The following PEX2 variants were observed in gnomAD, a reference collection of about 807,000 sequenced individuals.
The protein encoded by PEX2 is peroxisomal biogenesis factor 2, also known as peroxisome biogenesis factor 2.
In PEX2, 19 loss-of-function variants were observed where a neutral mutation model predicts 25.2. That is an observed-to-expected ratio of 0.75 (90% CI 0.53 to 1.10). The LOEUF is 1.10. Among genes scored for constraint, PEX2 ranks in the 50% least tolerant of loss-of-function variants. PEX2 has a pLI of 0.00. For missense variants in PEX2, 347 were observed against 350.6 expected (o/e 0.99, Z 0.08); for synonymous variants, 141 against 127.7 (o/e 1.10, Z -0.70).
intron 1 of PEX2, among the ~76,000 whole-genome samples, chr8:76,993,953 T>C (rs1397455306): frequency 5.9e-5 from 9 of 152,076 alleles, no homozygotes; most frequent in African/African-American, 2.2e-4. Flanking sequence ...TAAGGATATG[T>C]GAAAAAGATG....
In PEX2 at chr8:76,982,222, TGAAG is replaced by T. The variant is rs1806850314; in HGVS notation, c.*1035_*1038del. 1.3e-5 allele frequency: 2 copies of T among 152,018 alleles called. No individual in the cohort carries two copies. The highest frequency in any genetic ancestry group is 2.1e-4 in the South Asian group (1 of 4,828). The allele number at this position is 152,018 out of a possible 1,614,324, so 9.4% of individuals were successfully genotyped here. On this transcript the variant is annotated 3_prime_UTR_variant, in exon 4 of 4. Coordinates refer to ENST00000357039, the MANE Select transcript of PEX2 (RefSeq NM_000318.3). Reference sequence around the variant, plus strand: ...AGTAAAAAAAGGCAGAGAAAAAGAGTGAAGGATACAGAATTATCTTGATTATGCA... The same window carrying T: ...AGTAAAAAAAGGCAGAGAAAAAGAGTGATACAGAATTATCTTGATTATGCA...
rs569635070 is a variant in PEX2, at chr8:76,985,684, G to A, written c.-18+503C>T. On this transcript the variant is annotated intron_variant, in intron 3 of 3. Coordinates refer to ENST00000357039, the MANE Select transcript of PEX2 (RefSeq NM_000318.3). ...ACACCGGGCTTGATTATCATGTCTA[G>A]GCCTTTAAAAAGCCAATACCCTAAC... Among the ~76,000 whole-genome samples the A allele has an allele frequency of 2.6e-5, 4 of 152,186 alleles. No homozygotes were observed. In the East Asian group the frequency reaches 7.7e-4, roughly 29 times the overall value.
intron 2 of PEX2, among the ~76,000 whole-genome samples, chr8:76,987,682 C>T (rs1018207395): frequency 6.6e-6 from 1 of 151,838 alleles, no homozygotes; most frequent in Non-Finnish European, 1.5e-5. Flanking sequence ...CTAATGATGG[C>T]CTAAATTAGA....
intron 1 of PEX2, among the ~76,000 whole-genome samples, chr8:76,998,813 A>G (rs1393500134): frequency 6.6e-6 from 1 of 152,126 alleles, no homozygotes; most frequent in Non-Finnish European, 1.5e-5. Flanking sequence ...TACTAACACT[A>G]GTTTCTAAAA....
Position 76,980,374 on chromosome 8 carries a change from A to G in PEX2, c.*2887T>C, listed in dbSNP as rs573037096. 1 of 152,340 alleles carries G rather than the reference A, an allele frequency of 6.6e-6. No individual in the cohort carries two copies. Among genetic ancestry groups the G allele is most frequent in the Admixed American group, 6.5e-5 (1 of 15,298 alleles). 9.4% of individuals were successfully genotyped at this position (152,340 alleles called of 1,614,324 possible). Reference sequence around the variant, plus strand: ...TAGATCACTGGTAAAATGAGACTGCAATGTGGACTTTTGAAATGAGTAAGG... The same window carrying G: ...TAGATCACTGGTAAAATGAGACTGCGATGTGGACTTTTGAAATGAGTAAGG... On this transcript the variant is annotated 3_prime_UTR_variant, in exon 4 of 4. Transcript: ENST00000357039.
rs773468808 is a variant in PEX2, at chr8:76,983,094, A to G, written c.*167T>C. The G allele has an allele frequency of 5.6e-5, 82 of 1,451,588 alleles. 1 individual carries two copies. In the South Asian group the frequency reaches 1.1e-3, roughly 19 times the overall value. 89.9% of individuals were successfully genotyped at this position (1,451,588 alleles called of 1,614,324 possible). A position where few individuals can be genotyped will look rare whatever the true frequency, so the allele number is the denominator to read the frequency against. Reference sequence around the variant, plus strand: ...ATTAACATTTACATAATATATTTAGAATCACATGGTTTCCAGTGATTAGAT... The same window carrying G: ...ATTAACATTTACATAATATATTTAGGATCACATGGTTTCCAGTGATTAGAT... On this transcript the variant is annotated 3_prime_UTR_variant, in exon 4 of 4. Coordinates refer to ENST00000357039, the MANE Select transcript of PEX2 (RefSeq NM_000318.3).
chr8:76,993,840 G>A (rs1236350509), intron 1 of PEX2, among the ~76,000 whole-genome samples: 2 of 152,056 alleles, frequency 1.3e-5, no homozygotes, highest in Non-Finnish European at 2.9e-5. Flanking sequence ...GGGGAGGGGA[G>A]AGAGATATTT....
chr8:76,992,790 T>A (rs770984408), intron 1 of PEX2, among the ~76,000 whole-genome samples: 1 of 152,186 alleles, frequency 6.6e-6, no homozygotes, highest in Non-Finnish European at 1.5e-5. Flanking sequence ...TCTAAATATT[T>A]AACTGTCAGC....
intron 1 of PEX2, among the ~76,000 whole-genome samples, chr8:76,997,282 C>A (rs1295659943): frequency 2.0e-5 from 3 of 152,176 alleles, no homozygotes; most frequent in Admixed American, 6.5e-5. Context: ...CACATACATG[C>A]AAGGTAGAGG....
chr8:76,984,590 A>G (rs1806951333), intron 3 of PEX2, among the ~76,000 whole-genome samples: 1 of 152,218 alleles, frequency 6.6e-6, no homozygotes, highest in Non-Finnish European at 1.5e-5. Context: ...ATGACTAATG[A>G]AGAGATACAG....
At chr8:76,992,153 T>C (rs931383774) in intron 1 of PEX2, among the ~76,000 whole-genome samples, 2 of 152,204 alleles carry the variant, frequency 1.3e-5, no homozygotes, top group Admixed American at 1.3e-4. Context: ...TGGAACTCAC[T>C]GCCCACTTAA....
chr8:76,983,718 AAATT>A lies in PEX2; in HGVS notation c.457_460del (p.Asn153PhefsTer2), dbSNP rs1563606397. 6.2e-7 allele frequency: 1 copy of A among 1,614,088 alleles called. No homozygotes were observed. Reference sequence around the variant, plus strand: ...CTTTCCCCTCTGAAGGAAAATCAAAAAATTAATCAGCCCACCTAATTTCAAAAGT... The same window carrying A: ...CTTTCCCCTCTGAAGGAAAATCAAAAAATCAGCCCACCTAATTTCAAAAGT... On this transcript the variant is annotated frameshift_variant, in exon 4 of 4. Coordinates refer to ENST00000357039, the MANE Select transcript of PEX2 (RefSeq NM_000318.3). LOFTEE classifies it high-confidence loss of function.
At chr8:76,997,822 A>G (rs1807382822) in intron 1 of PEX2, among the ~76,000 whole-genome samples, 1 of 152,200 alleles carries the variant, frequency 6.6e-6, no homozygotes, top group African/African-American at 2.4e-5. Context: ...CACACGGAGA[A>G]AGGCAGAGGA....
At position 76,983,865 on chromosome 8, in the gene PEX2, C is replaced by T. The variant is rs1011185031; in HGVS notation, c.314G>A (p.Trp105Ter). The T allele has an allele frequency of 1.2e-6, 2 of 1,614,074 alleles. No individual in the cohort carries two copies. Among genetic ancestry groups the T allele is most frequent in the Admixed American group, 3.3e-5 (2 of 60,010 alleles). The change falls in exon 4 of 4, where the codon TGG becomes TAG. Residue 105 changes from tryptophan to a stop codon, truncating the protein, a stop_gained. Coordinates refer to ENST00000357039, the MANE Select transcript of PEX2 (RefSeq NM_000318.3). LOFTEE classifies it high-confidence loss of function. ...YQPPSKNQKI[W>*]YAVCTIGGRW... Reference sequence around the variant, plus strand: ...GCCACCAATTGTACAAACAGCATACCAGATTTTTTGATTTTTACTGGGTGG... The same window carrying T: ...GCCACCAATTGTACAAACAGCATACTAGATTTTTTGATTTTTACTGGGTGG...
At chr8:76,998,349 T>C (rs1406403152) in intron 1 of PEX2, among the ~76,000 whole-genome samples, 1 of 152,176 alleles carries the variant, frequency 6.6e-6, no homozygotes, top group African/African-American at 2.4e-5. Flanking sequence ...CAAGAATCAT[T>C]ATGTGCATCA....
intron 1 of PEX2, among the ~76,000 whole-genome samples, chr8:76,998,745 C>T (rs934256172): frequency 2.0e-5 from 3 of 152,178 alleles, no homozygotes; most frequent in Non-Finnish European, 4.4e-5. Context: ...CCCTGCACGG[C>T]TCCAGAAAAT....
Position 76,982,794 on chromosome 8 carries a change from G to A in PEX2, c.*467C>T, listed in dbSNP as rs1215414075. The A allele has an allele frequency of 5.6e-6, 1 of 178,892 alleles. No individual in the cohort carries two copies. The highest frequency in any genetic ancestry group is 1.2e-5 in the Non-Finnish European group (1 of 85,984). The allele number at this position is 178,892 out of a possible 1,614,324, so 11.1% of individuals were successfully genotyped here. ...ACTGCACTCCAGCCTGGGTGACAGA[G>A]CAGGACACCGTCTCAGAAAAAAAAA... On this transcript the variant is annotated 3_prime_UTR_variant, in exon 4 of 4. Transcript: ENST00000357039.
intron 1 of PEX2, among the ~76,000 whole-genome samples, chr8:76,993,954 G>GA (rs1465470999): frequency 2.0e-5 from 3 of 152,168 alleles, no homozygotes. Context: ...AAGGATATGT[G>GA]AAAAAGATGC....
chr8:76,982,971 T>C lies in PEX2; in HGVS notation c.*290A>G. The stretch of plus-strand genomic sequence containing the variant: ...TAGAATCCAACCTTGTTTTAAGAAG[T>C]AGTAAAATGAAGGAGCATTGTTAGT... On this transcript the variant is annotated 3_prime_UTR_variant, in exon 4 of 4. Coordinates refer to ENST00000357039, the MANE Select transcript of PEX2 (RefSeq NM_000318.3). 1.7e-6 allele frequency: 1 copy of C among 597,088 alleles called. No homozygotes were observed. Among genetic ancestry groups the C allele is most frequent in the Non-Finnish European group, 2.5e-6 (1 of 392,504 alleles). The allele number at this position is 597,088 out of a possible 1,614,324, so 37.0% of individuals were successfully genotyped here.
Sources: gnomAD v4.1 joint callset for allele counts (sites outside exome capture counted in the v4.1 genomes callset) on GRCh38, gnomAD v4.1.1 for gene constraint, MANE v1.5 for transcripts, NCBI Gene and HGNC (gene_info 2026-07-23, HGNC 2026-07-21) for gene names.